The following SPATA18 variants were observed in gnomAD, a reference collection of about 807,000 sequenced individuals.
The protein encoded by SPATA18 is spermatogenesis associated 18.
SPATA18 carries 54 observed loss-of-function variants against 68.1 expected under a neutral mutation model. The observed-to-expected ratio is 0.79, with a 90% CI of 0.64 to 0.99. The LOEUF is 0.99. Among genes scored for constraint, SPATA18 ranks in the 50% least tolerant of loss-of-function variants. SPATA18 has a pLI of 0.00. For synonymous variants in SPATA18, 242 were observed against 244.8 expected, an observed-to-expected ratio of 0.99 and a Z score of 0.11; for missense variants, 724 against 681.1, an observed-to-expected ratio of 1.06 and a Z score of -0.70.
chr4:52,068,895 A>G (rs1739558496), intron 4 of SPATA18, among the ~76,000 whole-genome samples: 1 of 151,672 alleles, frequency 6.6e-6, no homozygotes, highest in Non-Finnish European at 1.5e-5. Context: ...ACATGTTCTT[A>G]CTTTGTCACC....
chr4:52,079,277 C>T (rs926886033), intron 8 of SPATA18, among the ~76,000 whole-genome samples: 1 of 152,114 alleles, frequency 6.6e-6, no homozygotes, highest in Non-Finnish European at 1.5e-5. Context: ...GTGGGAGTAA[C>T]ACTGTTCATT....
At chr4:52,073,248 A>T (rs566192343) in intron 6 of SPATA18, among the ~76,000 whole-genome samples, 17 of 152,228 alleles carry the variant, frequency 1.1e-4, no homozygotes, top group African/African-American at 4.1e-4. Context: ...GTCTTGCCTT[A>T]CCCAACCCAA....
chr4:52,095,230 T>A lies in SPATA18; in HGVS notation c.*343T>A, dbSNP rs763669169. The A allele has an allele frequency of 3.1e-6, 1 of 325,048 alleles. No homozygotes were observed. The highest frequency in any genetic ancestry group is 5.6e-6 in the Non-Finnish European group (1 of 179,398). 20.1% of individuals were successfully genotyped at this position (325,048 alleles called of 1,614,324 possible). On this transcript the variant is annotated 3_prime_UTR_variant, in exon 13 of 13. Coordinates refer to ENST00000295213, the MANE Select transcript of SPATA18 (RefSeq NM_145263.4). ...TTTATGGGAACTGTGTGAACTGAAG[T>A]GGAAAGCATCTACCATGCTGAGGCT... is the stretch of plus-strand genomic sequence containing the variant.
At position 52,088,253 on chromosome 4, in the gene SPATA18, T is replaced by TC. The variant is rs539737515; in HGVS notation, c.1563+3258dup. Among the ~76,000 whole-genome samples, 26 of 152,286 alleles carry TC rather than the reference T, an allele frequency of 1.7e-4. No homozygotes were observed. The South Asian group carries it at 5.4e-3, about 32-fold the overall frequency. On this transcript the variant is annotated intron_variant, in intron 11 of 12. Coordinates refer to ENST00000295213, the MANE Select transcript of SPATA18 (RefSeq NM_145263.4). ...TTGACTTCCTCTCTTCCTATTTGAA[T>TC]CCCCTTTATTTTTTTCTCTTGCCTG...
At chr4:52,089,312 C>T (rs999618563) in intron 11 of SPATA18, among the ~76,000 whole-genome samples, 2 of 152,234 alleles carry the variant, frequency 1.3e-5, no homozygotes, top group African/African-American at 2.4e-5. Context: ...TTAGTTATTT[C>T]ATGCCTTCTG....
intron 4 of SPATA18, among the ~76,000 whole-genome samples, chr4:52,063,970 G>A (rs1319779015): frequency 3.9e-5 from 6 of 152,144 alleles, no homozygotes; most frequent in Admixed American, 3.3e-4. Flanking sequence ...AGGGGCCAGG[G>A]TTTCCCACTT....
intron 10 of SPATA18, among the ~76,000 whole-genome samples, chr4:52,083,730 T>G (rs1045255047): frequency 6.8e-6 from 1 of 146,874 alleles, no homozygotes; most frequent in East Asian, 2.0e-4. Context: ...GATGACAGAG[T>G]AAGATCCTGT....
chr4:52,053,117 G>A (rs1738044128), intron 1 of SPATA18, among the ~76,000 whole-genome samples: 1 of 150,860 alleles, frequency 6.6e-6, no homozygotes, highest in Non-Finnish European at 1.5e-5. Flanking sequence ...TTTGCCCAGT[G>A]GCCTAACTAA....
At chr4:52,084,829 AT>A (rs1306900037) in intron 10 of SPATA18, 86 bp from the exon 11 acceptor site, 2 of 1,281,186 alleles carry the variant, frequency 1.6e-6, no homozygotes, top group Non-Finnish European at 2.3e-6. Flanking sequence ...TAAAACTCTT[AT>A]TCTGTGGGAT....
At chr4:52,066,697 C>G (rs1230335628) in intron 4 of SPATA18, among the ~76,000 whole-genome samples, 5 of 151,404 alleles carry the variant, frequency 3.3e-5, no homozygotes. Context: ...TTGTTCCCCT[C>G]CCTGTGTCCC....
intron 5 of SPATA18, among the ~76,000 whole-genome samples, chr4:52,070,747 C>T (rs1739756294): frequency 6.6e-6 from 1 of 152,086 alleles, no homozygotes; most frequent in Admixed American, 6.5e-5. Flanking sequence ...TTCATAAAAA[C>T]TGACCATATA....
At chr4:52,093,395 G>A (rs1742148573) in intron 11 of SPATA18, among the ~76,000 whole-genome samples, 1 of 152,154 alleles carries the variant, frequency 6.6e-6, no homozygotes, top group African/African-American at 2.4e-5. Flanking sequence ...AGGAAATTGG[G>A]AAGGAATATT....
chr4:52,077,949 A>G (rs1740540583), intron 7 of SPATA18, among the ~76,000 whole-genome samples: 1 of 152,218 alleles, frequency 6.6e-6, no homozygotes, highest in Non-Finnish European at 1.5e-5. Flanking sequence ...GAGCAGAATT[A>G]TCAGAAATAC....
At chr4:52,056,847 C>T (rs1035221549) in intron 1 of SPATA18, among the ~76,000 whole-genome samples, 1 of 152,140 alleles carries the variant, frequency 6.6e-6, no homozygotes, top group Non-Finnish European at 1.5e-5. Context: ...CAAATATGAG[C>T]ATGTCACACC....
intron 1 of SPATA18, among the ~76,000 whole-genome samples, chr4:52,053,665 A>AT (rs1310953707): frequency 2.6e-5 from 4 of 152,020 alleles, no homozygotes; most frequent in African/African-American, 9.7e-5. Flanking sequence ...CACAGGTCTC[A>AT]TTTTTCTAAG....
chr4:52,084,076 C>A (rs1304117000), intron 10 of SPATA18, among the ~76,000 whole-genome samples: 1 of 151,776 alleles, frequency 6.6e-6, no homozygotes, highest in African/African-American at 2.4e-5. Flanking sequence ...GATATTGAGT[C>A]CATAGAAATA....
rs577250819 is a variant in SPATA18, at chr4:52,056,300, T to A, written c.88-4119T>A. ...TCCATCTGCTTTGGGGAAAGCATTG[T>A]GTTTGAGAGCTCAGCTCCAGTGCTG... On this transcript the variant is annotated intron_variant, in intron 1 of 12. Coordinates refer to ENST00000295213, the MANE Select transcript of SPATA18 (RefSeq NM_145263.4). 2.0e-5 allele frequency among the ~76,000 whole-genome samples: 3 copies of A among 152,310 alleles called. No individual in the cohort carries two copies. The South Asian group carries it at 6.2e-4, about 32-fold the overall frequency.
intron 1 of SPATA18, among the ~76,000 whole-genome samples, chr4:52,056,058 A>G (rs1365618977): frequency 1.3e-5 from 2 of 151,400 alleles, no homozygotes. Flanking sequence ...CTCATTTCTG[A>G]TTGCTCTTGT....
intron 1 of SPATA18, among the ~76,000 whole-genome samples, chr4:52,053,925 A>G: frequency 6.6e-6 from 1 of 152,222 alleles, no homozygotes; most frequent in African/African-American, 2.4e-5. Flanking sequence ...AGAAGAAGCC[A>G]AAGCTCCTAC....
Sources: allele counts gnomAD v4.1 joint callset (sites outside exome capture counted in the v4.1 genomes callset), GRCh38; gene constraint gnomAD v4.1.1; transcripts MANE v1.5; gene names NCBI Gene and HGNC (gene_info 2026-07-23, HGNC 2026-07-21).